The following DPP8 variants were observed in gnomAD, a reference collection of about 807,000 sequenced individuals.
The protein encoded by DPP8 is DPP VIII.
DPP8 carries 31 observed loss-of-function variants against 107.5 expected under a neutral mutation model. That is an observed-to-expected ratio of 0.29 (90% confidence interval 0.22 to 0.39). The LOEUF (loss-of-function observed/expected upper bound fraction) is 0.39. Ranked by LOEUF, DPP8 falls within the 10% of genes least tolerant of loss-of-function variation. DPP8 has a pLI of 1.00. For missense variants in DPP8, 842 were observed against 1,076.1 expected, an observed-to-expected ratio of 0.78 and a Z score of 3.04; for synonymous variants, 381 against 356.6, an observed-to-expected ratio of 1.07 and a Z score of -0.77.
At chr15:65,500,487 A>T in intron 4 of DPP8, 119 bp downstream of exon 4, 1 of 744,082 alleles carries the variant, frequency 1.3e-6, no homozygotes. Flanking sequence ...TTGCTATTAA[A>T]TTTCTTTGTT....
chr15:65,443,215 A>G lies in DPP8; in HGVS notation c.*3669T>C. Reference sequence around the variant, plus strand: ...CTTTAAAAATTTACCTTTTCTATATATCATTTAACTACCATGAGGCAGGAC... The same window carrying G: ...CTTTAAAAATTTACCTTTTCTATATGTCATTTAACTACCATGAGGCAGGAC... On this transcript the variant is annotated 3_prime_UTR_variant, in exon 20 of 20. Coordinates refer to ENST00000300141, the MANE Select transcript of DPP8 (RefSeq NM_130434.5). The G allele has an allele frequency of 6.6e-6, 1 of 152,180 alleles. No individual in the cohort carries two copies. The highest frequency in any genetic ancestry group is 2.4e-5 in the African/African-American group (1 of 41,434). 9.4% of individuals were successfully genotyped at this position (152,180 alleles called of 1,614,324 possible).
At chr15:65,473,662 T>C (rs2066120928) in intron 12 of DPP8, among the ~76,000 whole-genome samples, 2 of 152,002 alleles carry the variant, frequency 1.3e-5, no homozygotes, top group South Asian at 4.1e-4. Context: ...AGCAAGACAT[T>C]GTCTCACAAA....
chr15:65,497,062 G>T (rs1319296907), intron 5 of DPP8, among the ~76,000 whole-genome samples: 1 of 151,970 alleles, frequency 6.6e-6, no homozygotes, highest in Non-Finnish European at 1.5e-5. Context: ...GCTAATTTTT[G>T]TATTTTTAGT....
At chr15:65,513,638 C>G (rs954016077) in intron 1 of DPP8, among the ~76,000 whole-genome samples, 1 of 152,210 alleles carries the variant, frequency 6.6e-6, no homozygotes, top group African/African-American at 2.4e-5. Context: ...GTAGTTGATA[C>G]AGAAAGCATT....
At chr15:65,490,392 A>C in intron 5 of DPP8, 93 bp from the exon 6 acceptor site, 1 of 800,404 alleles carries the variant, frequency 1.2e-6, no homozygotes, top group African/African-American at 1.7e-5. Flanking sequence ...AGGTGGCTGG[A>C]ATACAGTGGT....
chr15:65,442,878 C>T lies in DPP8; in HGVS notation c.*4006G>A, dbSNP rs543702694. On this transcript the variant is annotated 3_prime_UTR_variant, in exon 20 of 20. Coordinates refer to ENST00000300141, the MANE Select transcript of DPP8 (RefSeq NM_130434.5). ...AAGTTTCCTTTTTCCTTTATATCTG[C>T]TGGGAATAGACACACTCACCTTATA... 5.3e-5 allele frequency: 8 copies of T among 152,262 alleles called. No individual in the cohort carries two copies. The East Asian group carries it at 1.5e-3, about 29-fold the overall frequency. The allele number at this position is 152,262 out of a possible 1,614,324, so 9.4% of individuals were successfully genotyped here.
At chr15:65,457,111 T>C (rs539870019) in intron 15 of DPP8, among the ~76,000 whole-genome samples, 2 of 152,166 alleles carry the variant, frequency 1.3e-5, no homozygotes, top group Non-Finnish European at 2.9e-5. Flanking sequence ...TCCCAGCACT[T>C]TGGGAGGCTG....
At chr15:65,455,709 T>A in intron 16 of DPP8, 1 of 1,237,002 alleles carries the variant, frequency 8.1e-7, no homozygotes, top group Non-Finnish European at 1.0e-6. Context: ...CCCCATGTCT[T>A]ACTCAGCATG....
At chr15:65,473,284 C>T (rs1189301080) in intron 12 of DPP8, among the ~76,000 whole-genome samples, 2 of 148,438 alleles carry the variant, frequency 1.3e-5, no homozygotes, top group Non-Finnish European at 3.0e-5. Flanking sequence ...AAGATCATGC[C>T]ACTGCACTCC....
chr15:65,463,557 G>C (rs1254258909), intron 15 of DPP8, among the ~76,000 whole-genome samples: 1 of 147,286 alleles, frequency 6.8e-6, no homozygotes, highest in Non-Finnish European at 1.5e-5. Context: ...AAAAAAAAAA[G>C]ACTCAGTGAT....
At chr15:65,477,687 G>A (rs1349190545) in intron 11 of DPP8, among the ~76,000 whole-genome samples, 9 of 151,406 alleles carry the variant, frequency 5.9e-5, no homozygotes, top group Non-Finnish European at 1.0e-4. Flanking sequence ...CCACCACCAC[G>A]CCCGGCTAAT....
In DPP8 at chr15:65,478,296, G is replaced by C. The variant is rs1281816973; in HGVS notation, c.1456+584C>G. On this transcript the variant is annotated intron_variant, in intron 11 of 19. Transcript: ENST00000300141. ...TTCTGTTGAGACAGAGTTTTGCTCT[G>C]TTGCCAGACTGGAGTGTGGTGGCGT... Among the ~76,000 whole-genome samples the C allele has an allele frequency of 4.6e-5, 7 of 152,196 alleles. No individual in the cohort carries two copies. In the Middle Eastern group the frequency reaches 0.01, roughly 222 times the overall value.
intron 1 of DPP8, among the ~76,000 whole-genome samples, chr15:65,514,281 T>C (rs941615444): frequency 6.6e-6 from 1 of 152,230 alleles, no homozygotes; most frequent in African/African-American, 2.4e-5. Flanking sequence ...GGTATGCTTG[T>C]ATCATTGTAA....
chr15:65,455,582 T>G (rs774815442), intron 16 of DPP8: 5 of 923,662 alleles, frequency 5.4e-6, no homozygotes, highest in Non-Finnish European at 7.0e-6. Context: ...CTTGTCTATA[T>G]TACTAGGCCT....
At chr15:65,514,817 C>T (rs1264150809) in intron 1 of DPP8, among the ~76,000 whole-genome samples, 2 of 152,058 alleles carry the variant, frequency 1.3e-5, no homozygotes, top group African/African-American at 4.8e-5. Flanking sequence ...GCCAACGGAC[C>T]CAGTTTTATA....
chr15:65,455,643 A>G, intron 16 of DPP8: 1 of 1,178,792 alleles, frequency 8.5e-7, no homozygotes, highest in Non-Finnish European at 1.1e-6. Flanking sequence ...AATAAAAACA[A>G]AAAAACTTAC....
chr15:65,470,451 CA>C (rs1162796638), intron 12 of DPP8, among the ~76,000 whole-genome samples: 1 of 151,330 alleles, frequency 6.6e-6, no homozygotes, highest in Admixed American at 6.6e-5. Context: ...ACTAAAAATA[CA>C]AAAATTAGCC....
chr15:65,512,765 A>T (rs1315047740), intron 1 of DPP8: 9 of 592,256 alleles, frequency 1.5e-5, no homozygotes, highest in Middle Eastern at 4.4e-4. Context: ...TTAAAAAAAA[A>T]TTGAGGTCAG....
intron 18 of DPP8, among the ~76,000 whole-genome samples, chr15:65,451,741 A>G (rs1288162912): frequency 6.6e-6 from 1 of 151,968 alleles, no homozygotes; most frequent in Non-Finnish European, 1.5e-5. Flanking sequence ...CCTAGGCAAC[A>G]TGATAAAACC....
Sources: allele counts gnomAD v4.1 joint callset (sites outside exome capture counted in the v4.1 genomes callset), GRCh38; gene constraint gnomAD v4.1.1; transcripts MANE v1.5; gene names NCBI Gene and HGNC (gene_info 2026-07-23, HGNC 2026-07-21).